The following ST6GALNAC3 variants were observed in gnomAD, a reference collection of about 807,000 sequenced individuals.
The protein encoded by ST6GALNAC3 is alpha-N-acetylgalactosaminide alpha-2,6-sialyltransferase 3.
A neutral mutation model predicts 32.7 loss-of-function variants in ST6GALNAC3; 25 were observed. The observed-to-expected ratio is 0.76, with a 90% CI of 0.56 to 1.07. ST6GALNAC3 has a LOEUF of 1.07. Among genes scored for constraint, ST6GALNAC3 ranks in the 50% least tolerant of loss-of-function variants. The pLI is 0.00. For synonymous variants in ST6GALNAC3, 129 were observed against 133.1 expected, an observed-to-expected ratio of 0.97 and a Z score of 0.21; for missense variants, 355 against 382.4, an observed-to-expected ratio of 0.93 and a Z score of 0.60.
chr1:76,178,035 G>T (rs1652954375), intron 1 of ST6GALNAC3, among the ~76,000 whole-genome samples: 1 of 152,194 alleles, frequency 6.6e-6, no homozygotes, highest in Non-Finnish European at 1.5e-5. Context: ...GTAGAGAATG[G>T]GATTTTGGTC....
chr1:76,175,700 CT>C (rs1180675954), intron 1 of ST6GALNAC3, among the ~76,000 whole-genome samples: 1 of 152,160 alleles, frequency 6.6e-6, no homozygotes, highest in Non-Finnish European at 1.5e-5. Flanking sequence ...CAGGTCAATG[CT>C]TTGCCATGAA....
At chr1:76,393,996 T>A (rs1004533433) in intron 2 of ST6GALNAC3, among the ~76,000 whole-genome samples, 1 of 152,208 alleles carries the variant, frequency 6.6e-6, no homozygotes, top group Non-Finnish European at 1.5e-5. Context: ...CCATAGAGCA[T>A]CTTAAACAAA....
chr1:76,573,052 A>G (rs951360569), intron 3 of ST6GALNAC3, among the ~76,000 whole-genome samples: 3 of 152,090 alleles, frequency 2.0e-5, no homozygotes, highest in Non-Finnish European at 2.9e-5. Context: ...ATGTGGTGAG[A>G]TTGGAAGTGA....
chr1:76,432,386 T>G (rs1452119880), intron 3 of ST6GALNAC3, among the ~76,000 whole-genome samples: 1 of 152,024 alleles, frequency 6.6e-6, no homozygotes, highest in East Asian at 1.9e-4. Flanking sequence ...AAAAAATGTT[T>G]TATGTTATAC....
intron 1 of ST6GALNAC3, among the ~76,000 whole-genome samples, chr1:76,224,436 A>G (rs182250676): frequency 2.0e-5 from 3 of 152,326 alleles, no homozygotes; most frequent in Non-Finnish European, 4.4e-5. Flanking sequence ...CTTTACTTAG[A>G]TGGAGTTGAG....
rs576678119 is a variant in ST6GALNAC3, at chr1:76,296,495, G to T, written c.19-17310G>T. ...CATCGACCCTTCTCTTCTTCTATTC[G>T]TCAATTCTCAATCTGCAAATTCCTG... On this transcript the variant is annotated intron_variant, in intron 1 of 4. Coordinates refer to ENST00000328299, the MANE Select transcript of ST6GALNAC3 (RefSeq NM_152996.4). Among the ~76,000 whole-genome samples the T allele has an allele frequency of 1.2e-3, 184 of 151,900 alleles. 2 individuals are homozygous for T. The highest frequency in any genetic ancestry group is 1.9e-3 in the Non-Finnish European group (127 of 67,956).
chr1:76,262,116 G>C (rs1658272510), intron 1 of ST6GALNAC3, among the ~76,000 whole-genome samples: 1 of 152,120 alleles, frequency 6.6e-6, no homozygotes, highest in Non-Finnish European at 1.5e-5. Flanking sequence ...GTGATAATAG[G>C]TACCATTTAT....
At chr1:76,395,536 A>G (rs1359048164) in intron 2 of ST6GALNAC3, among the ~76,000 whole-genome samples, 1 of 152,128 alleles carries the variant, frequency 6.6e-6, no homozygotes, top group Non-Finnish European at 1.5e-5. Flanking sequence ...CATGGATTCA[A>G]TCTAAGTGTC....
At chr1:76,204,082 A>T (rs1391138486) in intron 1 of ST6GALNAC3, among the ~76,000 whole-genome samples, 1 of 152,094 alleles carries the variant, frequency 6.6e-6, no homozygotes, top group South Asian at 2.1e-4. Context: ...CTAACCACCA[A>T]TCTGCTCTCT....
In ST6GALNAC3 at chr1:76,155,530, C is replaced by G. The variant is rs538443115; in HGVS notation, c.18+80646C>G. Among the ~76,000 whole-genome samples, 22 of 152,134 alleles carry G rather than the reference C, an allele frequency of 1.4e-4. 1 individual carries two copies. In the South Asian group the frequency reaches 4.4e-3, roughly 30 times the overall value. On this transcript the variant is annotated intron_variant, in intron 1 of 4. Transcript: ENST00000328299. ...TCGTCCAGGCTGGAGTGCGGTGGCG[C>G]AATCTCGGCTCACTGCAAGCTCCGC...
intron 2 of ST6GALNAC3, among the ~76,000 whole-genome samples, chr1:76,323,220 T>C (rs1312786156): frequency 2.0e-5 from 3 of 152,084 alleles, no homozygotes; most frequent in East Asian, 3.9e-4. Context: ...ATAAAATACA[T>C]GGGAAGCAAA....
intron 1 of ST6GALNAC3, among the ~76,000 whole-genome samples, chr1:76,284,880 TATGAGATACCAAGGC>T (rs1659691823): frequency 6.6e-6 from 1 of 152,082 alleles, no homozygotes; most frequent in Non-Finnish European, 1.5e-5. Flanking sequence ...CTTGATTACA[TATGAGATACCAAGGC>T]ATCCAGAGAA....
chr1:76,370,086 T>G (rs1158824851), intron 2 of ST6GALNAC3, among the ~76,000 whole-genome samples: 5 of 152,176 alleles, frequency 3.3e-5, no homozygotes, highest in African/African-American at 1.2e-4. Flanking sequence ...TTTTTCTCAG[T>G]GATAAAGCAG....
chr1:76,179,410 ATCTCTTTCC>A (rs1557676420), intron 1 of ST6GALNAC3, among the ~76,000 whole-genome samples: 2 of 152,164 alleles, frequency 1.3e-5, no homozygotes, highest in Admixed American at 6.5e-5. Flanking sequence ...TAAAGAAGCC[ATCTCTTTCC>A]CCCACCTCCA....
At chr1:76,470,294 TG>T (rs941350741) in intron 3 of ST6GALNAC3, among the ~76,000 whole-genome samples, 1 of 152,052 alleles carries the variant, frequency 6.6e-6, no homozygotes, top group African/African-American at 2.4e-5. Context: ...ATAATATTTT[TG>T]GGTGGAAATG....
chr1:76,367,452 T>C (rs1650464703), intron 2 of ST6GALNAC3, among the ~76,000 whole-genome samples: 2 of 152,002 alleles, frequency 1.3e-5, no homozygotes, highest in South Asian at 4.2e-4. Context: ...GAAATAAACA[T>C]AACTAAGAAC....
At chr1:76,489,766 C>A (rs955566558) in intron 3 of ST6GALNAC3, among the ~76,000 whole-genome samples, 39 of 152,142 alleles carry the variant, frequency 2.6e-4, no homozygotes, top group Non-Finnish European at 7.4e-5. Flanking sequence ...CAGCTCAGGG[C>A]TGGACAAGAG....
intron 3 of ST6GALNAC3, among the ~76,000 whole-genome samples, chr1:76,513,973 A>G (rs187787453): frequency 2.0e-3 from 312 of 152,280 alleles, no homozygotes; most frequent in African/African-American, 7.3e-3. Context: ...CTTCTAGCAT[A>G]CAGAAATGCT....
intron 1 of ST6GALNAC3, among the ~76,000 whole-genome samples, chr1:76,149,707 A>G (rs563189644): frequency 5.9e-4 from 90 of 151,816 alleles, no homozygotes; most frequent in African/African-American, 2.2e-3. Flanking sequence ...TTGTGTATTC[A>G]TATTTCTGTA....
Sources: gnomAD v4.1 joint callset for allele counts (sites outside exome capture counted in the v4.1 genomes callset) on GRCh38, gnomAD v4.1.1 for gene constraint, MANE v1.5 for transcripts, NCBI Gene and HGNC (gene_info 2026-07-23, HGNC 2026-07-21) for gene names.